ECT2L: variants seen among roughly 807,000 people sequenced by gnomAD.
ECT2L encodes the protein epithelial cell transforming 2 like, also known as epithelial cell-transforming sequence 2 oncogene-like.
Under a neutral mutation model 122.8 loss-of-function variants are expected in ECT2L, and 126 were observed. The observed-to-expected ratio is 1.03, with a 90% CI of 0.89 to 1.19. The LOEUF is 1.19. Among genes scored for constraint, ECT2L ranks in the 50% most tolerant of loss-of-function variants. The probability of loss-of-function intolerance (pLI) is 0.00; values close to 1 mark genes in which losing one functional copy is unlikely to be tolerated. For synonymous variants in ECT2L, 385 were observed against 381.8 expected, an observed-to-expected ratio of 1.01 and a Z score of -0.10; for missense variants, 1,012 against 1,064.1, an observed-to-expected ratio of 0.95 and a Z score of 0.68.
intron 10 of ECT2L, among the ~76,000 whole-genome samples, chr6:138,856,749 T>A (rs1457687148): frequency 6.6e-6 from 1 of 152,236 alleles, no homozygotes; most frequent in Non-Finnish European, 1.5e-5. Context: ...CTTTAAAGAC[T>A]GTTGGAATAA....
chr6:138,847,991 C>T (rs140320866), intron 8 of ECT2L, among the ~76,000 whole-genome samples: 1 of 152,288 alleles, frequency 6.6e-6, no homozygotes, highest in Non-Finnish European at 1.5e-5. Flanking sequence ...GAAGCAAGGA[C>T]CTTCTTCACA....
At chr6:138,850,070 G>A (rs1412867200) in intron 9 of ECT2L, among the ~76,000 whole-genome samples, 1 of 151,828 alleles carries the variant, frequency 6.6e-6, no homozygotes, top group South Asian at 2.1e-4. Context: ...ACCACCATTC[G>A]ACTTCATTTC....
chr6:138,900,359 G>A (rs1454348568), intron 20 of ECT2L, among the ~76,000 whole-genome samples: 1 of 151,766 alleles, frequency 6.6e-6, no homozygotes, highest in Non-Finnish European at 1.5e-5. Context: ...TGATTCTCCT[G>A]CCTCAGCCTC....
At chr6:138,803,948 C>T (rs1001107144) in intron 1 of ECT2L, among the ~76,000 whole-genome samples, 8 of 152,206 alleles carry the variant, frequency 5.3e-5, no homozygotes, top group African/African-American at 1.9e-4. Flanking sequence ...CACCAAGCCA[C>T]GTTGTACTCT....
chr6:138,809,249 C>T (rs1409974162), intron 1 of ECT2L, among the ~76,000 whole-genome samples: 1 of 152,054 alleles, frequency 6.6e-6, no homozygotes, highest in Non-Finnish European at 1.5e-5. Context: ...TTGTCATGAA[C>T]GGGTATTGAG....
At chr6:138,879,168 T>C (rs548481058) in intron 14 of ECT2L, 34 of 263,554 alleles carry the variant, frequency 1.3e-4, no homozygotes, top group African/African-American at 6.5e-4. Context: ...ATCCGCCTCA[T>C]TGACAAGCCT....
At chr6:138,852,201 G>A (rs1298476024) in intron 9 of ECT2L, among the ~76,000 whole-genome samples, 6 of 152,178 alleles carry the variant, frequency 3.9e-5, no homozygotes, top group Non-Finnish European at 7.4e-5. Context: ...CGGGGCAGAG[G>A]TTGAAGTCAG....
chr6:138,840,729 A>G (rs1238865386), intron 5 of ECT2L, among the ~76,000 whole-genome samples: 1 of 151,346 alleles, frequency 6.6e-6, no homozygotes, highest in Non-Finnish European at 1.5e-5. Flanking sequence ...CAGTAATGTT[A>G]TTGTGATATA....
At chr6:138,853,918 C>G in intron 9 of ECT2L, 108 bp from the exon 10 acceptor site, 2 of 1,278,442 alleles carry the variant, frequency 1.6e-6, no homozygotes, top group Non-Finnish European at 1.1e-6. Context: ...CTTGGTCTTG[C>G]AGGCAGATGG....
intron 6 of ECT2L, among the ~76,000 whole-genome samples, chr6:138,843,483 T>G (rs760989923): frequency 6.6e-6 from 1 of 151,918 alleles, no homozygotes; most frequent in Non-Finnish European, 1.5e-5. Context: ...CTCAGGCTTA[T>G]AAGACCAAAA....
At chr6:138,874,562 C>T (rs984748657) in intron 13 of ECT2L, among the ~76,000 whole-genome samples, 2 of 152,072 alleles carry the variant, frequency 1.3e-5, no homozygotes, top group African/African-American at 4.8e-5. Flanking sequence ...CAACTGTAAG[C>T]GAGCAGGTTC....
intron 1 of ECT2L, among the ~76,000 whole-genome samples, chr6:138,809,106 C>T (rs756185209): frequency 6.6e-6 from 1 of 152,102 alleles, no homozygotes; most frequent in Non-Finnish European, 1.5e-5. Context: ...CAATGTTAAA[C>T]AAAGATAGTG....
chr6:138,886,763 C>T, intron 18 of ECT2L, 94 bp from the exon 19 acceptor site: 2 of 869,314 alleles, frequency 2.3e-6, no homozygotes, highest in South Asian at 1.4e-5. Flanking sequence ...ATACCAAGCC[C>T]TGTATCAAGC....
At chr6:138,836,401 G>C (rs1776841708) in intron 4 of ECT2L, among the ~76,000 whole-genome samples, 5 of 150,244 alleles carry the variant, frequency 3.3e-5, no homozygotes. Flanking sequence ...CGATTCTCCT[G>C]CCTCAGCCTC....
intron 5 of ECT2L, among the ~76,000 whole-genome samples, chr6:138,841,766 T>A (rs912291084): frequency 1.3e-5 from 2 of 152,230 alleles, no homozygotes; most frequent in African/African-American, 4.8e-5. Context: ...GTTGAACAAG[T>A]CCTTATTGCA....
intron 13 of ECT2L, among the ~76,000 whole-genome samples, chr6:138,872,098 C>T (rs941288457): frequency 1.1e-4 from 17 of 152,240 alleles, no homozygotes; most frequent in Non-Finnish European, 1.5e-5. Context: ...TCTCAGCCTC[C>T]CAATGTGCTG....
intron 4 of ECT2L, among the ~76,000 whole-genome samples, chr6:138,819,692 G>A (rs1776203448): frequency 1.3e-5 from 2 of 152,066 alleles, no homozygotes; most frequent in South Asian, 2.1e-4. Flanking sequence ...AGCTCTCTAG[G>A]AGGAAGGAGT....
At chr6:138,816,739 C>G (rs555958305) in intron 4 of ECT2L, among the ~76,000 whole-genome samples, 17 of 152,328 alleles carry the variant, frequency 1.1e-4, no homozygotes, top group African/African-American at 4.1e-4. Context: ...CCTGCCTCGG[C>G]CTCCCAAAGT....
chr6:138,850,173 T>C (rs1186857505), intron 9 of ECT2L, among the ~76,000 whole-genome samples: 1 of 151,854 alleles, frequency 6.6e-6, no homozygotes, highest in Admixed American at 6.6e-5. Flanking sequence ...AGAGTCTTGC[T>C]CTTGTCGCCC....
Sources: gnomAD v4.1 joint callset for allele counts (sites outside exome capture counted in the v4.1 genomes callset) on GRCh38, gnomAD v4.1.1 for gene constraint, MANE v1.5 for transcripts, NCBI Gene and HGNC (gene_info 2026-07-23, HGNC 2026-07-21) for gene names.